Variants in SPRED2 observed in about 807,000 individuals in gnomAD.
SPRED2 encodes sprouty-related, EVH1 domain-containing protein 2.
SPRED2 carries 47 observed loss-of-function variants against 43.0 expected under a neutral mutation model. That is an observed-to-expected ratio of 1.09 (90% CI 0.87 to 1.40). SPRED2 has a LOEUF of 1.40. Ranked by LOEUF, SPRED2 falls within the 40% of genes most tolerant of loss-of-function variation. The probability of loss-of-function intolerance (pLI) is 0.00; values close to 1 mark genes in which losing one functional copy is unlikely to be tolerated. For missense variants in SPRED2, 561 were observed against 586.4 expected (o/e 0.96, Z 0.45); for synonymous variants, 225 against 225.7 (o/e 1.00, Z 0.03).
rs1463430504 is a variant in SPRED2, at chr2:65,313,365, C to T, written c.*136G>A. On this transcript the variant is annotated 3_prime_UTR_variant, in exon 6 of 6. Transcript: ENST00000356388. ...AGCGTCCCTGGCTGGAATGGTGCCT[C>T]GAGGTACCAGGGAGCTGGGAGGCCG... 5.4e-6 allele frequency: 8 copies of T among 1,494,330 alleles called. No individual in the cohort carries two copies. The highest frequency in any genetic ancestry group is 7.1e-6 in the Non-Finnish European group (8 of 1,131,184). The allele number at this position is 1,494,330 out of a possible 1,614,324, so 92.6% of individuals were successfully genotyped here. A position where few individuals can be genotyped will look rare whatever the true frequency, so the allele number is the denominator to read the frequency against.
Position 65,397,412 on chromosome 2 carries a change from GTC to G in SPRED2, c.26+34548_26+34549del, listed in dbSNP as rs1398015832. Among the ~76,000 whole-genome samples the G allele has an allele frequency of 2.0e-5, 3 of 152,280 alleles. No individual in the cohort carries two copies. In the East Asian group the frequency reaches 5.8e-4, roughly 29 times the overall value. On this transcript the variant is annotated intron_variant, in intron 1 of 5. Coordinates refer to ENST00000356388, the MANE Select transcript of SPRED2 (RefSeq NM_181784.3). ...CAGAATGGGTTGTGGCTTATGACAT[GTC>G]TCTCTTTTTCCTTTTTACCTAAACC...
chr2:65,345,631 A>G (rs1352626865), intron 1 of SPRED2, among the ~76,000 whole-genome samples: 1 of 152,198 alleles, frequency 6.6e-6, no homozygotes, highest in African/African-American at 2.4e-5. Context: ...ACCAAGTTTT[A>G]ACATTTTATA....
chr2:65,326,436 T>C (rs1673618942), intron 4 of SPRED2, among the ~76,000 whole-genome samples: 1 of 152,214 alleles, frequency 6.6e-6, no homozygotes, highest in African/African-American at 2.4e-5. Flanking sequence ...TCATCTGTCC[T>C]GAGGGCCTAC....
In SPRED2 at chr2:65,407,192, G is replaced by A. The variant is rs1331650976; in HGVS notation, c.26+24770C>T. Among the ~76,000 whole-genome samples, 7 of 149,888 alleles carry A rather than the reference G, an allele frequency of 4.7e-5. No homozygotes were observed. The East Asian group carries it at 1.4e-3, about 29-fold the overall frequency. On this transcript the variant is annotated intron_variant, in intron 1 of 5. Transcript: ENST00000356388. Reference sequence around the variant, plus strand: ...TCTGCCCGCCTTGGCCTCCCAAAGTGCTGGAATTACAGGTGTGAGCCATAG... The same window carrying A: ...TCTGCCCGCCTTGGCCTCCCAAAGTACTGGAATTACAGGTGTGAGCCATAG...
In SPRED2 at chr2:65,344,775, CG is replaced by C; in HGVS notation, c.147del (p.Glu50LysfsTer26). The C allele has an allele frequency of 6.2e-7, 1 of 1,614,170 alleles. No individual in the cohort carries two copies. ...AGAAAGCCGCTTCGTCCATTGCCTT[CG>C]GGGTGCATGACCTTACAGACCCCGA... is the stretch of plus-strand genomic sequence containing the variant. ...SRVGVCKVMH[P>X]EGNGRSGFLI... On this transcript the variant is annotated frameshift_variant, in exon 2 of 6. Coordinates refer to ENST00000356388, the MANE Select transcript of SPRED2 (RefSeq NM_181784.3). LOFTEE classifies it high-confidence loss of function.
At chr2:65,385,533 G>C (rs1357634041) in intron 1 of SPRED2, among the ~76,000 whole-genome samples, 1 of 152,112 alleles carries the variant, frequency 6.6e-6, no homozygotes, top group Non-Finnish European at 1.5e-5. Flanking sequence ...GGGGAGGCGT[G>C]GCAGAGGGAT....
intron 1 of SPRED2, among the ~76,000 whole-genome samples, chr2:65,384,975 C>CT (rs35418849): frequency 3.6e-4 from 50 of 139,832 alleles, no homozygotes; most frequent in Middle Eastern, 3.9e-3. Flanking sequence ...TCCACTTCTT[C>CT]TTTTTTTTTT....
chr2:65,376,010 A>G (rs887724007), intron 1 of SPRED2, among the ~76,000 whole-genome samples: 1 of 152,210 alleles, frequency 6.6e-6, no homozygotes, highest in African/African-American at 2.4e-5. Context: ...CATACAGACA[A>G]TATGGTGCAC....
Position 65,350,036 on chromosome 2 carries a change from C to T in SPRED2, c.27-5140G>A, listed in dbSNP as rs1572860513. On this transcript the variant is annotated intron_variant, in intron 1 of 5. Transcript: ENST00000356388. The stretch of plus-strand genomic sequence containing the variant: ...CTGCATGGCTGCGTGCCAACTGCTT[C>T]CTATCCATGGTGTATTTACGTTACT... Among the ~76,000 whole-genome samples, 4 of 152,368 alleles carry T rather than the reference C, an allele frequency of 2.6e-5. No homozygotes were observed. In the South Asian group the frequency reaches 8.3e-4, roughly 32 times the overall value.
intron 1 of SPRED2, among the ~76,000 whole-genome samples, chr2:65,360,069 AAAAAAAAAACAAAAAAAAAC>A (rs1477529311): frequency 1.5e-4 from 19 of 123,128 alleles, no homozygotes; most frequent in African/African-American, 3.9e-4. Context: ...CATCTCAAAA[AAAAAAAAAACAAAAAAAAAC>A]AAAAAAAAAA....
chr2:65,341,127 G>GTGTGTGTGC lies in SPRED2; in HGVS notation c.204+3591_204+3592insGCACACACA, dbSNP rs1035996517. On this transcript the variant is annotated intron_variant, in intron 2 of 5. Transcript: ENST00000356388. Reference sequence around the variant, plus strand: ...GGCGTGTGTGTGTGTGTGTGTGTGTGTGCATGTGCATGAGTGTGCTGGGTA... The same window carrying GTGTGTGTGC: ...GGCGTGTGTGTGTGTGTGTGTGTGTGTGTGTGTGCTGCATGTGCATGAGTGTGCTGGGTA... Among the ~76,000 whole-genome samples, 37 of 151,060 alleles carry GTGTGTGTGC rather than the reference G, an allele frequency of 2.4e-4. No individual in the cohort carries two copies. In the East Asian group the frequency reaches 4.3e-3, roughly 18 times the overall value.
chr2:65,334,047 G>A (rs1409858485), intron 3 of SPRED2: 5 of 351,766 alleles, frequency 1.4e-5, no homozygotes, highest in Non-Finnish European at 2.8e-5. Flanking sequence ...AGCCCACCAT[G>A]AGAACTGACT....
At position 65,314,176 on chromosome 2, in the gene SPRED2, C is replaced by G. The variant is rs953185441; in HGVS notation, c.589-7G>C. Reference sequence around the variant, plus strand: ...GGTAGGGCCTTGGCATCGGCTGTCCCGTAGGAGAGGAGACATTATTTTACA... The same window carrying G: ...GGTAGGGCCTTGGCATCGGCTGTCCGGTAGGAGAGGAGACATTATTTTACA... On this transcript the variant is annotated splice_region_variant and splice_polypyrimidine_tract_variant and intron_variant, in intron 5 of 5. Coordinates refer to ENST00000356388, the MANE Select transcript of SPRED2 (RefSeq NM_181784.3). 1.3e-6 allele frequency: 2 copies of G among 1,573,160 alleles called. No homozygotes were observed. The highest frequency in any genetic ancestry group is 3.6e-5 in the Admixed American group (2 of 55,664).
intron 4 of SPRED2, among the ~76,000 whole-genome samples, chr2:65,318,577 C>T (rs770717341): frequency 1.3e-5 from 2 of 152,066 alleles, no homozygotes; most frequent in Non-Finnish European, 2.9e-5. Context: ...TCTAGATGCT[C>T]TCTTTCTTGC....
chr2:65,310,476 C>T (rs1268449382), downstream of SPRED2, among the ~76,000 whole-genome samples: 1 of 146,008 alleles, frequency 6.8e-6, no homozygotes, highest in Non-Finnish European at 1.5e-5. Flanking sequence ...CACACACACA[C>T]ACACACACAC....
chr2:65,354,507 C>T (rs1332387088), intron 1 of SPRED2, among the ~76,000 whole-genome samples: 1 of 150,770 alleles, frequency 6.6e-6, no homozygotes. Context: ...AAATCCTGCA[C>T]AGGAAAAGAG....
At chr2:65,418,806 C>T (rs1384387907) in intron 1 of SPRED2, among the ~76,000 whole-genome samples, 2 of 152,094 alleles carry the variant, frequency 1.3e-5, no homozygotes, top group African/African-American at 4.8e-5. Context: ...CTGCCCACCT[C>T]AGCCTCCCAA....
intron 5 of SPRED2, among the ~76,000 whole-genome samples, chr2:65,314,571 A>G (rs1673182705): frequency 1.3e-5 from 2 of 152,150 alleles, no homozygotes; most frequent in Non-Finnish European, 2.9e-5. Flanking sequence ...CGCCTCCCTC[A>G]GGGATCTCCT....
chr2:65,397,663 T>C (rs1308088849), intron 1 of SPRED2, among the ~76,000 whole-genome samples: 3 of 150,478 alleles, frequency 2.0e-5, no homozygotes, highest in Non-Finnish European at 4.4e-5. Flanking sequence ...ATATGTATAA[T>C]CCACAGACCC....
Sources: allele counts gnomAD v4.1 joint callset (sites outside exome capture counted in the v4.1 genomes callset), GRCh38; gene constraint gnomAD v4.1.1; transcripts MANE v1.5; gene names NCBI Gene and HGNC (gene_info 2026-07-23, HGNC 2026-07-21).